The following ZFHX3 variants were observed in gnomAD, a reference collection of about 807,000 sequenced individuals.
ZFHX3 encodes the protein zinc finger homeobox 3.
ZFHX3 carries 42 observed loss-of-function variants against 279.1 expected under a neutral mutation model. The ratio of observed to expected loss-of-function variants is 0.15; its 90% CI spans 0.12 to 0.19. The LOEUF is 0.19. ZFHX3 is among the 10% of genes least tolerant of loss of function. The pLI, the probability that ZFHX3 is intolerant of heterozygous loss-of-function variation, is 1.00. For synonymous variants in ZFHX3, 2,293 were observed against 1,957.8 expected (o/e 1.17, Z -4.52); for missense variants, 4,981 against 4,754.0 (o/e 1.05, Z -1.40).
At chr16:73,384,582 A>G (rs1318183084) in intron 3 of ZFHX3, among the ~76,000 whole-genome samples, 1 of 152,256 alleles carries the variant, frequency 6.6e-6, no homozygotes, top group Non-Finnish European at 1.5e-5. Context: ...GCCCTGCAGT[A>G]TCACATAACT....
intron 3 of ZFHX3, among the ~76,000 whole-genome samples, chr16:73,444,944 T>C (rs1597337914): frequency 1.0e-5 from 1 of 98,008 alleles, no homozygotes; most frequent in African/African-American, 4.1e-5. Flanking sequence ...ATGGTGAAAC[T>C]CCATCTATAC....
chr16:73,821,790 T>C (rs969280242), intron 1 of ZFHX3, among the ~76,000 whole-genome samples: 2 of 152,296 alleles, frequency 1.3e-5, no homozygotes, highest in Middle Eastern at 3.4e-3. Flanking sequence ...GAGACGGTCG[T>C]CAGGGTGCTG....
chr16:73,726,337 A>T (rs1345989305), intron 1 of ZFHX3, among the ~76,000 whole-genome samples: 1 of 152,192 alleles, frequency 6.6e-6, no homozygotes, highest in Admixed American at 6.5e-5. Context: ...CTGCCAAAGC[A>T]CTGCATGGAA....
chr16:73,316,028 G>A (rs115498780), intron 4 of ZFHX3, among the ~76,000 whole-genome samples: 2,984 of 152,252 alleles, frequency 0.02, 106 homozygotes, highest in African/African-American at 0.068. Context: ...CCGCTGGCCC[G>A]CACTGGCCAG....
chr16:73,157,441 C>A (rs1967117153), intron 5 of ZFHX3, among the ~76,000 whole-genome samples: 1 of 117,754 alleles, frequency 8.5e-6, no homozygotes, highest in African/African-American at 3.5e-5. Context: ...GAGAAATTGT[C>A]CTGGGTGATT....
chr16:73,052,716 G>A (rs964280652), upstream of ZFHX3, among the ~76,000 whole-genome samples: 1 of 152,174 alleles, frequency 6.6e-6, no homozygotes, highest in African/African-American at 2.4e-5. Context: ...ATGAAAAAAA[G>A]AAGTCTAAAA....
chr16:73,331,676 G>T (rs1160567502), intron 3 of ZFHX3, among the ~76,000 whole-genome samples: 1 of 152,194 alleles, frequency 6.6e-6, no homozygotes, highest in African/African-American at 2.4e-5. Flanking sequence ...ATGAGCTGTT[G>T]ATATAGTATA....
intron 5 of ZFHX3, among the ~76,000 whole-genome samples, chr16:73,159,346 G>A (rs1489170060): frequency 2.6e-5 from 4 of 152,162 alleles, no homozygotes; most frequent in Non-Finnish European, 5.9e-5. Flanking sequence ...CTTGGGTGGT[G>A]CCCTCTCACA....
At chr16:73,180,370 A>T (rs1366259506) in intron 5 of ZFHX3, among the ~76,000 whole-genome samples, 2 of 152,058 alleles carry the variant, frequency 1.3e-5, no homozygotes, top group East Asian at 3.9e-4. Flanking sequence ...TTTACTCTGA[A>T]GTTTGGTCTA....
intron 2 of ZFHX3, chr16:73,608,608 A>G (rs561151457): frequency 4.6e-5 from 7 of 152,154 alleles, no homozygotes; most frequent in Non-Finnish European, 1.0e-4. Flanking sequence ...AGAAAACAAC[A>G]ATTTTTTTTC....
intron 1 of ZFHX3, among the ~76,000 whole-genome samples, chr16:72,993,134 T>TCAAA (rs780428541): frequency 4.6e-5 from 7 of 152,108 alleles, no homozygotes; most frequent in South Asian, 4.2e-4. Flanking sequence ...AGTCTCCATC[T>TCAAA]CAAACAAACA....
At chr16:73,151,808 C>G (rs750734633) in intron 5 of ZFHX3, among the ~76,000 whole-genome samples, 1 of 150,904 alleles carries the variant, frequency 6.6e-6, no homozygotes, top group Admixed American at 6.6e-5. Context: ...CTGACCTTGC[C>G]GGGGGCTACA....
intron 1 of ZFHX3, among the ~76,000 whole-genome samples, chr16:72,987,434 T>C (rs1465690748): frequency 6.6e-6 from 1 of 152,168 alleles, no homozygotes; most frequent in East Asian, 1.9e-4. Flanking sequence ...CCAGTGCTCC[T>C]GGTCTCCGTT....
intron 3 of ZFHX3, among the ~76,000 whole-genome samples, chr16:72,929,675 A>G (rs943007231): frequency 6.6e-6 from 1 of 152,198 alleles, no homozygotes; most frequent in African/African-American, 2.4e-5. Context: ...AGGGCCCTCC[A>G]CGCAAGCTGG....
At chr16:73,605,028 T>A (rs2052163505) in intron 2 of ZFHX3, among the ~76,000 whole-genome samples, 1 of 152,208 alleles carries the variant, frequency 6.6e-6, no homozygotes, top group Non-Finnish European at 1.5e-5. Context: ...GACTAACTGC[T>A]ATACCCCAGC....
At position 73,045,640 on chromosome 16, in the gene ZFHX3, C is replaced by CATTATTATT. The variant is rs10602067; in HGVS notation, c.-50+2103_-50+2111dup. Among the ~76,000 whole-genome samples the CATTATTATT allele has an allele frequency of 7.7e-3, 1,106 of 142,978 alleles. 6 individuals are homozygous for CATTATTATT. The highest frequency in any genetic ancestry group is 0.011 in the South Asian group (49 of 4,344). 93.8% of individuals were successfully genotyped at this position (142,978 alleles called of 152,430 possible). A position where few individuals can be genotyped will look rare whatever the true frequency, so the allele number is the denominator to read the frequency against. On this transcript the variant is annotated intron_variant, in intron 1 of 9. Transcript: ENST00000268489. Reference sequence around the variant, plus strand: ...TGGTTGGGGAAGCAGCATGGATTTACATTATTATTATTATTATTATTATTA... The same window carrying CATTATTATT: ...TGGTTGGGGAAGCAGCATGGATTTACATTATTATTATTATTATTATTATTATTATTATTA...
chr16:72,900,506 C>T (rs576471817), intron 3 of ZFHX3, among the ~76,000 whole-genome samples: 10 of 152,294 alleles, frequency 6.6e-5, no homozygotes, highest in African/African-American at 1.2e-4. Context: ...GAAAATCCTT[C>T]GGAACATGTG....
rs540254565 is a variant in ZFHX3, at chr16:73,560,464, C to T, written c.-1546-104206G>A. On this transcript the variant is annotated intron_variant, in intron 2 of 17. Coordinates refer to the ZFHX3 transcript ENST00000641206. ...TCAAGATTCACACGGATTTGATGAT[C>T]GTTTTCTACACTTAGGGCCCTGTCG... Among the ~76,000 whole-genome samples, 5 of 152,290 alleles carry T rather than the reference C, an allele frequency of 3.3e-5. No homozygotes were observed. The East Asian group carries it at 5.8e-4, about 18-fold the overall frequency.
At position 72,782,956 on chromosome 16, in the gene ZFHX3, GTA is replaced by G. The variant is rs1441344315; in HGVS notation, c.*4206_*4207del. ...TACTTGATGAAATATTTTCAAAGGAGTATATTCAATTACCATCTACAATCAAC... is the reference window on the plus strand; with the variant it reads ...TACTTGATGAAATATTTTCAAAGGAGTATTCAATTACCATCTACAATCAAC... On this transcript the variant is annotated 3_prime_UTR_variant, in exon 10 of 10. Coordinates refer to ENST00000268489, the MANE Select transcript of ZFHX3 (RefSeq NM_006885.4). The G allele has an allele frequency of 6.6e-6, 1 of 152,346 alleles. No homozygotes were observed. Among genetic ancestry groups the G allele is most frequent in the East Asian group, 1.9e-4 (1 of 5,186 alleles). The allele number at this position is 152,346 out of a possible 1,614,324, so 9.4% of individuals were successfully genotyped here. A position where few individuals can be genotyped will look rare whatever the true frequency, so the allele number is the denominator to read the frequency against.
Sources: allele counts gnomAD v4.1 joint callset (sites outside exome capture counted in the v4.1 genomes callset), GRCh38; gene constraint gnomAD v4.1.1; transcripts MANE v1.5; gene names NCBI Gene and HGNC (gene_info 2026-07-23, HGNC 2026-07-21).